LIMCH1: variants seen among roughly 807,000 people sequenced by gnomAD.
LIMCH1 encodes LIM and calponin homology domains 1.
A neutral mutation model predicts 176.5 loss-of-function variants in LIMCH1; 113 were observed. The observed-to-expected ratio is 0.64, with a 90% CI of 0.55 to 0.75. The LOEUF (loss-of-function observed/expected upper bound fraction) is 0.75. Ranked by LOEUF, LIMCH1 falls within the 30% of genes least tolerant of loss-of-function variation. LIMCH1 has a pLI of 0.00. For synonymous variants in LIMCH1, 619 were observed against 645.9 expected, an observed-to-expected ratio of 0.96 and a Z score of 0.63; for missense variants, 1,674 against 1,814.9, an observed-to-expected ratio of 0.92 and a Z score of 1.41.
chr4:41,385,260 CTG>C (rs1050440289), intron 1 of LIMCH1, among the ~76,000 whole-genome samples: 10 of 152,320 alleles, frequency 6.6e-5, no homozygotes, highest in Middle Eastern at 3.4e-3. Context: ...TTCTATTCCA[CTG>C]TGTTTCAGTT....
intron 1 of LIMCH1, among the ~76,000 whole-genome samples, chr4:41,425,962 G>A (rs149786720): frequency 6.6e-6 from 1 of 150,724 alleles, no homozygotes; most frequent in Non-Finnish European, 1.5e-5. Context: ...CATGTGAGTG[G>A]TTTTGATTTG....
chr4:41,557,551 T>G (rs2081442029), intron 1 of LIMCH1, among the ~76,000 whole-genome samples: 1 of 151,010 alleles, frequency 6.6e-6, no homozygotes, highest in South Asian at 2.1e-4. Context: ...TGCCTCTGTG[T>G]GTGTGTGTGT....
At chr4:41,525,652 CAAA>C in intron 3 of LIMCH1, among the ~76,000 whole-genome samples, 1 of 151,678 alleles carries the variant, frequency 6.6e-6, no homozygotes, top group Non-Finnish European at 1.5e-5. Context: ...ATCATGTAAC[CAAA>C]TAAGTTAGTT....
At chr4:41,632,069 T>C (rs905081343) in intron 10 of LIMCH1, among the ~76,000 whole-genome samples, 3 of 152,182 alleles carry the variant, frequency 2.0e-5, no homozygotes, top group African/African-American at 7.2e-5. Context: ...GAAGAACACC[T>C]TTATAGGCCT....
At chr4:41,477,761 T>C (rs757755889) in intron 1 of LIMCH1, among the ~76,000 whole-genome samples, 4 of 152,126 alleles carry the variant, frequency 2.6e-5, no homozygotes, top group African/African-American at 7.2e-5. Context: ...CTGCGGTCAG[T>C]CCCAGCCCCA....
chr4:41,461,478 T>G (rs960063506), intron 1 of LIMCH1, among the ~76,000 whole-genome samples: 1 of 152,194 alleles, frequency 6.6e-6, no homozygotes, highest in Non-Finnish European at 1.5e-5. Context: ...AAATTATAGA[T>G]GGTTTTTGAG....
chr4:41,460,689 C>G (rs1309619592), intron 1 of LIMCH1, among the ~76,000 whole-genome samples: 3 of 152,132 alleles, frequency 2.0e-5, no homozygotes, highest in African/African-American at 7.2e-5. Flanking sequence ...ATGAGTTCCT[C>G]TGCTAACCGT....
At chr4:41,577,207 A>G (rs9291204) in intron 1 of LIMCH1, among the ~76,000 whole-genome samples, 53,559 of 151,830 alleles carry the variant, frequency 0.35, 15,203 homozygotes, top group African/African-American at 0.79. Context: ...TAGTTGTTTT[A>G]GGGCTTGGAA....
At chr4:41,547,744 T>C (rs1412969511) in intron 1 of LIMCH1, among the ~76,000 whole-genome samples, 1 of 144,062 alleles carries the variant, frequency 6.9e-6, no homozygotes, top group Non-Finnish European at 1.5e-5. Flanking sequence ...TATACATAAA[T>C]AATATATAAA....
intron 1 of LIMCH1, among the ~76,000 whole-genome samples, chr4:41,365,355 C>T (rs1356092340): frequency 6.6e-6 from 1 of 152,194 alleles, no homozygotes; most frequent in Non-Finnish European, 1.5e-5. Flanking sequence ...GGACCTAATT[C>T]TGAAGATTAA....
chr4:41,615,535 T>C (rs1024494154), intron 5 of LIMCH1, among the ~76,000 whole-genome samples: 3 of 152,190 alleles, frequency 2.0e-5, no homozygotes, highest in Non-Finnish European at 4.4e-5. Flanking sequence ...CCCGATACCT[T>C]AAGGCTTATG....
At chr4:41,538,700 A>G (rs2078235299) in intron 1 of LIMCH1, among the ~76,000 whole-genome samples, 1 of 152,138 alleles carries the variant, frequency 6.6e-6, no homozygotes, top group Admixed American at 6.5e-5. Context: ...CTGCATTTTT[A>G]AGATGTGGTC....
At chr4:41,625,648 G>A (rs2092901000) in intron 7 of LIMCH1, among the ~76,000 whole-genome samples, 1 of 151,994 alleles carries the variant, frequency 6.6e-6, no homozygotes, top group South Asian at 2.1e-4. Flanking sequence ...TTTTAAGTCT[G>A]CATATCTAAA....
chr4:41,498,027 A>G (rs549417579), intron 2 of LIMCH1, among the ~76,000 whole-genome samples: 13 of 152,244 alleles, frequency 8.5e-5, no homozygotes, highest in African/African-American at 3.1e-4. Flanking sequence ...GAAGGACTGC[A>G]TGTGGTTGGT....
intron 14 of LIMCH1, among the ~76,000 whole-genome samples, chr4:41,643,576 C>G (rs949935649): frequency 1.3e-5 from 2 of 152,224 alleles, no homozygotes; most frequent in South Asian, 2.1e-4. Flanking sequence ...ACAAAAAAGG[C>G]CCTATGGTCT....
chr4:41,430,365 G>A (rs2061489508), intron 1 of LIMCH1, among the ~76,000 whole-genome samples: 1 of 152,162 alleles, frequency 6.6e-6, no homozygotes, highest in African/African-American at 2.4e-5. Context: ...AGAGGTTCAA[G>A]CGATTCTCTT....
chr4:41,470,436 T>C (rs2066781227), intron 1 of LIMCH1, among the ~76,000 whole-genome samples: 2 of 152,212 alleles, frequency 1.3e-5, no homozygotes, highest in Non-Finnish European at 2.9e-5. Flanking sequence ...CTCTTTCCTA[T>C]GTGAGGGACT....
intron 18 of LIMCH1, among the ~76,000 whole-genome samples, chr4:41,653,376 A>C (rs6447102): frequency 0.4 from 60,799 of 151,268 alleles, 12,920 homozygotes; most frequent in Middle Eastern, 0.5. Context: ...ATGGCAAAAT[A>C]TGGTGACCAG....
At chr4:41,424,504 T>C (rs2060898975) in intron 1 of LIMCH1, among the ~76,000 whole-genome samples, 2 of 152,218 alleles carry the variant, frequency 1.3e-5, no homozygotes, top group African/African-American at 2.4e-5. Flanking sequence ...ATTTTCCAGA[T>C]TTAAAAAAGT....
Sources: allele counts gnomAD v4.1 joint callset (sites outside exome capture counted in the v4.1 genomes callset), GRCh38; gene constraint gnomAD v4.1.1; transcripts MANE v1.5; gene names NCBI Gene and HGNC (gene_info 2026-07-23, HGNC 2026-07-21).